Variants in MAN1C1 observed in about 807,000 individuals in gnomAD.
MAN1C1 encodes the protein mannosyl-oligosaccharide 1,2-alpha-mannosidase IC.
A neutral mutation model predicts 71.5 loss-of-function variants in MAN1C1; 49 were observed. That is an observed-to-expected ratio of 0.69 (90% confidence interval 0.54 to 0.87). MAN1C1 has a LOEUF of 0.87. Ranked by LOEUF, MAN1C1 falls within the 40% of genes least tolerant of loss-of-function variation. The pLI is 0.00. For synonymous variants in MAN1C1, 352 were observed against 343.7 expected (o/e 1.02, Z -0.27); for missense variants, 743 against 835.0 (o/e 0.89, Z 1.36).
intron 1 of MAN1C1, among the ~76,000 whole-genome samples, chr1:25,680,464 C>G (rs1044463143): frequency 2.0e-5 from 3 of 152,160 alleles, no homozygotes; most frequent in African/African-American, 7.2e-5. Context: ...AACAGTCACT[C>G]CCCATTTCTC....
At chr1:25,644,465 C>A in intron 1 of MAN1C1, 1 of 131,848 alleles carries the variant, frequency 7.6e-6, no homozygotes. Context: ...GAAATATGGG[C>A]TTAGGACTGA....
intron 2 of MAN1C1, among the ~76,000 whole-genome samples, chr1:25,731,155 A>G (rs1281130701): frequency 6.6e-6 from 1 of 152,200 alleles, no homozygotes; most frequent in Non-Finnish European, 1.5e-5. Flanking sequence ...CGTCTGTACA[A>G]AAAAATTAGC....
intron 6 of MAN1C1, among the ~76,000 whole-genome samples, chr1:25,762,942 C>T (rs1295036945): frequency 6.6e-6 from 1 of 152,086 alleles, no homozygotes; most frequent in Non-Finnish European, 1.5e-5. Flanking sequence ...AGCTAACAAA[C>T]GAGCTACTGT....
At chr1:25,696,927 G>A (rs1371744214) in intron 2 of MAN1C1, among the ~76,000 whole-genome samples, 3 of 152,330 alleles carry the variant, frequency 2.0e-5, no homozygotes, top group South Asian at 4.1e-4. Flanking sequence ...GATTACAGGC[G>A]TGAGCCACCA....
intron 2 of MAN1C1, among the ~76,000 whole-genome samples, chr1:25,737,788 C>T (rs1278188135): frequency 6.6e-6 from 1 of 152,024 alleles, no homozygotes; most frequent in African/African-American, 2.4e-5. Flanking sequence ...TGAGCCAAGG[C>T]CAGAAAGATG....
Position 25,730,225 on chromosome 1 carries a change from C to T in MAN1C1, c.638-16443C>T, listed in dbSNP as rs2046890642. 6.6e-6 allele frequency among the ~76,000 whole-genome samples: 1 copy of T among 152,136 alleles called. No individual in the cohort carries two copies. Among genetic ancestry groups the T allele is most frequent in the Admixed American group, 6.5e-5 (1 of 15,268 alleles). On this transcript the variant is annotated intron_variant, in intron 2 of 11. Coordinates refer to ENST00000374332, the MANE Select transcript of MAN1C1 (RefSeq NM_020379.4). The surrounding 1 kb of genome is among the most constrained non-coding windows in gnomAD (Gnocchi z 4.3). ...GTCTGTCATAATCCCCTCCCTGCTT[C>T]CCTGTCAGTTTTTGACAGTTACCCT...
At chr1:25,765,993 G>T (rs1490804783) in intron 7 of MAN1C1, among the ~76,000 whole-genome samples, 1 of 152,194 alleles carries the variant, frequency 6.6e-6, no homozygotes, top group East Asian at 1.9e-4. Flanking sequence ...GGTTTTAATT[G>T]CGAGACCTGA....
At chr1:25,739,857 T>C (rs1572186176) in intron 2 of MAN1C1, among the ~76,000 whole-genome samples, 1 of 152,226 alleles carries the variant, frequency 6.6e-6, no homozygotes, top group South Asian at 2.1e-4. Flanking sequence ...GTGGGCTCGT[T>C]TTGTTCAGCC....
chr1:25,658,467 T>A (rs942431196), intron 1 of MAN1C1, among the ~76,000 whole-genome samples: 1 of 152,142 alleles, frequency 6.6e-6, no homozygotes, highest in Non-Finnish European at 1.5e-5. Context: ...CTTCTTTTTT[T>A]TTAAACGCGG....
intron 2 of MAN1C1, among the ~76,000 whole-genome samples, chr1:25,690,688 G>T (rs1239551127): frequency 1.3e-5 from 2 of 152,250 alleles, no homozygotes; most frequent in African/African-American, 4.8e-5. Context: ...ATCCAGACAG[G>T]CCTGGGTGGA....
At chr1:25,629,668 A>T (rs1250221833) in intron 1 of MAN1C1, among the ~76,000 whole-genome samples, 1 of 151,416 alleles carries the variant, frequency 6.6e-6, no homozygotes, top group African/African-American at 2.4e-5. Context: ...TGATCTGCCC[A>T]CCTCGGCCTC....
chr1:25,706,440 T>G (rs1450510098), intron 2 of MAN1C1, among the ~76,000 whole-genome samples: 1 of 151,886 alleles, frequency 6.6e-6, no homozygotes, highest in Admixed American at 6.6e-5. Flanking sequence ...GTTGTGGGCG[T>G]GTTGGTCGGG....
In MAN1C1 at chr1:25,778,119, C is replaced by A; in HGVS notation, c.1272C>A (p.Tyr424Ter). The A allele has an allele frequency of 6.4e-7, 1 of 1,569,080 alleles. No individual in the cohort carries two copies. Among genetic ancestry groups the A allele is most frequent in the South Asian group, 1.2e-5 (1 of 85,492 alleles). The change falls in exon 9 of 12, where the codon TAC (tyrosine) becomes TAA (stop). Residue 424 changes from tyrosine (Y) to a stop codon, truncating the protein, a stop_gained. Transcript: ENST00000374332. LOFTEE classifies it high-confidence loss of function. The surrounding 1 kb of genome is among the most constrained non-coding windows in gnomAD (Gnocchi z 5.5). ...YYEALEAIETYLLNVSPGGLT... is the reference protein window; with the variant it reads ...YYEALEAIET Reference sequence around the variant, plus strand: ...CTTGCTCCCAGGCGATAGAGACCTACTTGCTGAATGTCTCTCCCGGGGGGC... The same window carrying A: ...CTTGCTCCCAGGCGATAGAGACCTAATTGCTGAATGTCTCTCCCGGGGGGC...
intron 1 of MAN1C1, 41 bp downstream of exon 1, chr1:25,618,378 C>G: frequency 6.4e-7 from 1 of 1,559,474 alleles, no homozygotes; most frequent in East Asian, 2.4e-5. Flanking sequence ...CAACTGCCCC[C>G]TCTAAGGAGA....
chr1:25,771,743 G>C lies in MAN1C1; in HGVS notation c.1228G>C (p.Ala410Pro), dbSNP rs756076643. 3.1e-6 allele frequency: 5 copies of C among 1,614,008 alleles called. No individual in the cohort carries two copies. The highest frequency in any genetic ancestry group is 4.2e-6 in the Non-Finnish European group (5 of 1,179,926). Residue 410 changes from alanine (A) to proline (P), a missense_variant, in exon 8 of 12, where the codon GCT (alanine) becomes CCT (proline). By Grantham distance (27) the Ala-to-Pro change is conservative. Transcript: ENST00000374332. ...GATGTCGGGCAAGACAGATATGGAG[G>C]CTAAAAATATGTACTACGAAGCCTT... Reference protein sequence around the residue: ...WLMSGKTDMEAKNMYYEALEA... With the variant: ...WLMSGKTDMEPKNMYYEALEA...
chr1:25,743,687 C>T (rs1261405737), intron 2 of MAN1C1, among the ~76,000 whole-genome samples: 2 of 152,216 alleles, frequency 1.3e-5, no homozygotes, highest in Non-Finnish European at 2.9e-5. Flanking sequence ...TCCCCAGGGA[C>T]GTCACGGGGC....
Position 25,618,192 on chromosome 1 carries a change from C to A in MAN1C1, c.395C>A (p.Ser132Tyr). 1 of 1,581,312 alleles carries A rather than the reference C, an allele frequency of 6.3e-7. No homozygotes were observed. The highest frequency in any genetic ancestry group is 8.6e-7 in the Non-Finnish European group (1 of 1,168,502). The change falls in exon 1 of 12, where the codon TCC becomes TAC. Residue 132 changes from serine (S) to tyrosine (Y), a missense_variant. Physicochemically the swap from Ser to Tyr is moderately radical, Grantham distance 144. Transcript: ENST00000374332. ...GCCCGGGGCAATAGCATCCCGGCCTCCAGGCCCGGGGACGAGGGCGTCCCT... is the reference window on the plus strand; with the variant it reads ...GCCCGGGGCAATAGCATCCCGGCCTACAGGCCCGGGGACGAGGGCGTCCCT... ...TAARGNSIPASRPGDEGVPFR... is the reference protein window; with the variant it reads ...TAARGNSIPAYRPGDEGVPFR...
In MAN1C1 at chr1:25,617,996, G is replaced by C; in HGVS notation, c.199G>C (p.Ala67Pro). The C allele has an allele frequency of 6.2e-7, 1 of 1,605,206 alleles. No homozygotes were observed. Among genetic ancestry groups the C allele is most frequent in the African/African-American group, 1.4e-5 (1 of 73,838 alleles). ...CCAGCAGCCTGGTCTGGAAGTGGTG[G>C]CTGAAATCGCCGGCCATGCCCCGGC... ...RTQQPGLEVVAEIAGHAPARE... is the reference protein window; with the variant it reads ...RTQQPGLEVVPEIAGHAPARE... The change falls in exon 1 of 12, where the codon GCT (alanine) becomes CCT (proline). Residue 67 changes from alanine (A) to proline (P), a missense_variant. By Grantham distance (27) the Ala-to-Pro change is conservative (BLOSUM62 -1). Transcript: ENST00000374332. This position sits in a 1 kb window ranked among gnomAD's most constrained non-coding sequence, Gnocchi z 5.1.
chr1:25,757,903 T>C (rs2047310503), intron 5 of MAN1C1, among the ~76,000 whole-genome samples: 1 of 152,228 alleles, frequency 6.6e-6, no homozygotes, highest in Non-Finnish European at 1.5e-5. Flanking sequence ...TCCTGTGCCT[T>C]GTTTACCGCG....
Sources: allele counts gnomAD v4.1 joint callset (sites outside exome capture counted in the v4.1 genomes callset), GRCh38; gene constraint gnomAD v4.1.1; non-coding constraint Gnocchi (gnomAD v3.1); transcripts MANE v1.5; gene names NCBI Gene and HGNC (gene_info 2026-07-23, HGNC 2026-07-21).